The following N4BP2L2 variants were observed in gnomAD, a reference collection of about 807,000 sequenced individuals.
N4BP2L2 encodes NEDD4 binding protein 2 like 2, also known as NEDD4-binding protein 2-like 2.
Under a neutral mutation model 56.2 loss-of-function variants are expected in N4BP2L2, and 50 were observed. That is an observed-to-expected ratio of 0.89 (90% CI 0.71 to 1.13). N4BP2L2 has a LOEUF of 1.13. Among genes scored for constraint, N4BP2L2 ranks in the 50% most tolerant of loss-of-function variants. N4BP2L2 has a pLI of 0.00. For synonymous variants in N4BP2L2, 203 were observed against 223.6 expected (o/e 0.91, Z 0.82); for missense variants, 689 against 693.8 (o/e 0.99, Z 0.08).
At chr13:32,504,490 C>G (rs979657235) in intron 6 of N4BP2L2, 1 of 152,112 alleles carries the variant, frequency 6.6e-6, no homozygotes, top group Non-Finnish European at 1.5e-5. Flanking sequence ...ATATGTATAA[C>G]GTCATTTTAT....
exon 7 of N4BP2L2, chr13:32,442,533 C>T (rs1174845461): frequency 6.2e-7 from 1 of 1,613,870 alleles, no homozygotes; most frequent in African/African-American, 1.3e-5. Context: ...CCCATCTTTT[C>T]AGCTTTCTAT....
chr13:32,500,865 C>CTTT lies in N4BP2L2; in HGVS notation c.365+16989_365+16991dup, dbSNP rs368419149. 2.0e-4 allele frequency among the ~76,000 whole-genome samples: 25 copies of CTTT among 127,400 alleles called. No individual in the cohort carries two copies. In the East Asian group the frequency reaches 3.4e-3, roughly 18 times the overall value. 83.6% of individuals were successfully genotyped at this position (127,400 alleles called of 152,430 possible). A position where few individuals can be genotyped will look rare whatever the true frequency, so the allele number is the denominator to read the frequency against. ...GACAACTCTGTCACTTTAGTCTTTT[C>CTTT]TTTTTTTTTTTTTTTTTGAGATGGA... On this transcript the variant is annotated intron_variant, in intron 6 of 9. Coordinates refer to the N4BP2L2 transcript ENST00000357505.
At position 32,517,632 on chromosome 13, in the gene N4BP2L2, A is replaced by G. The variant is rs983051889; in HGVS notation, c.*170T>C. On this transcript the variant is annotated 3_prime_UTR_variant, in exon 6 of 6. Transcript: ENST00000267068. The stretch of plus-strand genomic sequence containing the variant: ...AAAAACATTTAAAATACAATTTCAT[A>G]TATTTTTATTTACACTTTAACAACT... 3.1e-5 allele frequency: 43 copies of G among 1,399,716 alleles called. No individual in the cohort carries two copies. The Admixed American group carries it at 4.7e-4, about 15-fold the overall frequency. 86.7% of individuals were successfully genotyped at this position (1,399,716 alleles called of 1,614,324 possible). A position where few individuals can be genotyped will look rare whatever the true frequency, so the allele number is the denominator to read the frequency against.
In N4BP2L2 at chr13:32,538,070, T is replaced by TGG. The variant is rs34075107; in HGVS notation, c.-1+546_-1+547dup. Reference sequence around the variant, plus strand: ...TGGGCGACAGAGGGAGACCCCGTCTTGGGGGGGGGGGGCGGTTACTTCCCC... The same window carrying TGG: ...TGGGCGACAGAGGGAGACCCCGTCTTGGGGGGGGGGGGGGCGGTTACTTCCCC... On this transcript the variant is annotated intron_variant, in intron 1 of 5. Coordinates refer to ENST00000267068, the Ensembl canonical transcript of N4BP2L2. 9.1e-3 allele frequency among the ~76,000 whole-genome samples: 591 copies of TGG among 64,632 alleles called. 14 individuals carry two copies. Among genetic ancestry groups the TGG allele is most frequent in the African/African-American group, 0.024 (409 of 16,848 alleles). The allele number at this position is 64,632 out of a possible 152,430, so 42.4% of individuals were successfully genotyped here.
At chr13:32,525,317 ATT>A (rs752958470) in intron 3 of N4BP2L2, 6 of 152,208 alleles carry the variant, frequency 3.9e-5, no homozygotes, top group African/African-American at 9.6e-5. Flanking sequence ...CCTCTAATAT[ATT>A]TGGAGAAATT....
chr13:32,478,112 T>C (rs976683334), intron 6 of N4BP2L2: 1 of 1,225,582 alleles, frequency 8.2e-7, no homozygotes, highest in Non-Finnish European at 1.1e-6. Context: ...ATATGCATTA[T>C]AAAGTAAATA....
At chr13:32,442,245 C>T (rs1593407381) in intron 7 of N4BP2L2, 1 of 723,616 alleles carries the variant, frequency 1.4e-6, no homozygotes, top group Non-Finnish European at 2.2e-6. Context: ...GCACCGTTTG[C>T]TATGGATCCT....
At chr13:32,497,247 G>T (rs895113614) in intron 6 of N4BP2L2, among the ~76,000 whole-genome samples, 1 of 152,050 alleles carries the variant, frequency 6.6e-6, no homozygotes, top group Non-Finnish European at 1.5e-5. Context: ...TTTTAATGGG[G>T]GAAAACAAAC....
chr13:32,509,033 C>T (rs2091378931), downstream of N4BP2L2: 1 of 152,118 alleles, frequency 6.6e-6, no homozygotes, highest in Non-Finnish European at 1.5e-5. Context: ...CTAAAGACTA[C>T]TGGTGAGGTT....
At chr13:32,534,651 T>C (rs983732676) in intron 2 of N4BP2L2, among the ~76,000 whole-genome samples, 1 of 152,226 alleles carries the variant, frequency 6.6e-6, no homozygotes, top group Admixed American at 6.5e-5. Context: ...GTTTATAATC[T>C]AGCTTGAAAT....
intron 3 of N4BP2L2, chr13:32,525,128 T>C (rs1371926320): frequency 1.3e-5 from 2 of 152,230 alleles, no homozygotes; most frequent in Non-Finnish European, 2.9e-5. Flanking sequence ...ACCAAAGGTA[T>C]ACTGGCTCTG....
chr13:32,536,964 G>A (rs570313447), exon 2 of N4BP2L2: 23 of 1,612,248 alleles, frequency 1.4e-5, no homozygotes, highest in East Asian at 8.9e-5. Context: ...TTTTTACAGC[G>A]TGGCTCACTC....
rs11374781 is a variant in N4BP2L2, at chr13:32,527,779, C to CTT, written c.1260-249_1260-248dup. ...ACAATTACAGATGCTAACAGAAACT[C>CTT]TTTTTTTTTTTTTTTTTAGATGGTC... On this transcript the variant is annotated intron_variant, in intron 2 of 5. Transcript: ENST00000267068. Among the ~76,000 whole-genome samples, 659 of 139,444 alleles carry CTT rather than the reference C, an allele frequency of 4.7e-3. 2 individuals are homozygous for CTT. Among genetic ancestry groups the CTT allele is most frequent in the Middle Eastern group, 0.019 (5 of 270 alleles). The allele number at this position is 139,444 out of a possible 152,430, so 91.5% of individuals were successfully genotyped here.
chr13:32,535,713 A>G, intron 2 of N4BP2L2, 56 bp downstream of exon 2: 1 of 1,541,716 alleles, frequency 6.5e-7, no homozygotes, highest in Non-Finnish European at 8.8e-7. Context: ...GACAAATATC[A>G]TTTATAATTT....
intron 3 of N4BP2L2, 193 bp from the exon 4 acceptor site, chr13:32,522,463 G>C (rs1472502167): frequency 2.6e-6 from 1 of 380,182 alleles, no homozygotes; most frequent in Non-Finnish European, 4.6e-6. Context: ...CCATATGCCA[G>C]GTGCATTCTC....
intron 6 of N4BP2L2, chr13:32,477,132 C>A: frequency 1.6e-6 from 1 of 607,062 alleles, no homozygotes; most frequent in South Asian, 1.5e-5. Flanking sequence ...CAATAGTACT[C>A]TTGCCACTAT....
At chr13:32,501,050 T>G (rs1037143372) in intron 6 of N4BP2L2, among the ~76,000 whole-genome samples, 1 of 152,094 alleles carries the variant, frequency 6.6e-6, no homozygotes, top group African/African-American at 2.4e-5. Context: ...GTATTTTTAG[T>G]AAAGACGAGG....
At chr13:32,441,544 T>C (rs1458825976) in intron 7 of N4BP2L2, among the ~76,000 whole-genome samples, 1 of 150,358 alleles carries the variant, frequency 6.7e-6, no homozygotes, top group Non-Finnish European at 1.5e-5. Context: ...ATTAGCTGGG[T>C]ATGGTGGCGG....
intron 6 of N4BP2L2, chr13:32,478,052 T>C: frequency 1.6e-6 from 2 of 1,288,804 alleles, no homozygotes; most frequent in Middle Eastern, 2.1e-4. Context: ...CTGGTTGCTG[T>C]GGGAAAATTG....
Sources: gnomAD v4.1 joint callset for allele counts (sites outside exome capture counted in the v4.1 genomes callset) on GRCh38, gnomAD v4.1.1 for gene constraint, MANE v1.5 for transcripts, NCBI Gene and HGNC (gene_info 2026-07-23, HGNC 2026-07-21) for gene names.